Variants in HDLBP observed in about 807,000 individuals in gnomAD.
HDLBP encodes the protein vigilin.
In HDLBP, 30 loss-of-function variants were observed where a neutral mutation model predicts 137.3. That is an observed-to-expected ratio of 0.22 (90% CI 0.16 to 0.30). The LOEUF is 0.30. Among genes scored for constraint, HDLBP ranks in the 10% least tolerant of loss-of-function variants. HDLBP has a pLI of 1.00. For synonymous variants in HDLBP, 606 were observed against 596.0 expected, an observed-to-expected ratio of 1.02 and a Z score of -0.24; for missense variants, 1,119 against 1,667.3, an observed-to-expected ratio of 0.67 and a Z score of 5.73.
chr2:241,258,736 G>T (rs1194426270), intron 5 of HDLBP, among the ~76,000 whole-genome samples: 1 of 152,160 alleles, frequency 6.6e-6, no homozygotes, highest in Non-Finnish European at 1.5e-5. Flanking sequence ...AATAAAAAAT[G>T]CAAGTGGCCC....
rs1553655981 is a variant in HDLBP at position 241,288,396 on chromosome 2, C to CACGACCAAGA, written c.-102-19856_-102-19855insTCTTGGTCGT. Among the ~76,000 whole-genome samples the CACGACCAAGA allele has an allele frequency of 5.3e-5, 8 of 151,650 alleles. No homozygotes were observed. The South Asian group carries it at 6.2e-4, about 12-fold the overall frequency. On this transcript the variant is annotated intron_variant, in intron 1 of 27. Transcript: ENST00000310931. ...GGACTGAGTTCTGTCCAGTTGCCTG[C>CACGACCAAGA]ACAACTAAGAACAATTCTGAAGACA...
chr2:241,297,266 C>T (rs1336928724), intron 1 of HDLBP, among the ~76,000 whole-genome samples: 1 of 152,024 alleles, frequency 6.6e-6, no homozygotes, highest in Non-Finnish European at 1.5e-5. Flanking sequence ...AGCGGGCATC[C>T]AAGCAGGAAG....
At position 241,231,671 on chromosome 2, in the gene HDLBP, C is replaced by G. The variant is rs140330977; in HGVS notation, c.3289-727G>C. ...AGGCTGGCTGGCATTCCTCAGCGAG[C>G]CCCTCCCTCACTCAGAGATCCCACC... On this transcript the variant is annotated intron_variant, in intron 24 of 27. Transcript: ENST00000310931. Among the ~76,000 whole-genome samples, 38 of 152,216 alleles carry G rather than the reference C, an allele frequency of 2.5e-4. No individual in the cohort carries two copies. The East Asian group carries it at 6.6e-3, about 26-fold the overall frequency.
chr2:241,255,643 T>G, intron 7 of HDLBP, 63 bp from the exon 8 acceptor site: 1 of 1,297,796 alleles, frequency 7.7e-7, no homozygotes, highest in Non-Finnish European at 1.1e-6. Context: ...CAGGTGGGCA[T>G]GGCCACTGCT....
At chr2:241,315,423 T>A (rs1294199886) in intron 1 of HDLBP, 147 bp downstream of exon 1, 1 of 150,780 alleles carries the variant, frequency 6.6e-6, no homozygotes, top group Non-Finnish European at 1.5e-5. Flanking sequence ...AGGCGAAGGC[T>A]CCCCCTCCCC....
intron 5 of HDLBP, among the ~76,000 whole-genome samples, chr2:241,257,318 T>C (rs2072718337): frequency 1.3e-5 from 2 of 152,198 alleles, no homozygotes; most frequent in African/African-American, 4.8e-5. Flanking sequence ...CTGTAACCTC[T>C]GCCTCCTGGG....
chr2:241,235,062 C>G, intron 23 of HDLBP, 59 bp downstream of exon 23: 2 of 1,584,616 alleles, frequency 1.3e-6, no homozygotes, highest in Non-Finnish European at 1.7e-6. Flanking sequence ...TAGATTCTGA[C>G]ATGTGCCCAA....
chr2:241,275,582 A>G (rs2074360375), intron 1 of HDLBP, among the ~76,000 whole-genome samples: 1 of 152,176 alleles, frequency 6.6e-6, no homozygotes, highest in Non-Finnish European at 1.5e-5. Flanking sequence ...CATCCCAAAA[A>G]AGACAGAGAA....
Position 241,248,114 on chromosome 2 carries a change from G to T in HDLBP, c.1620C>A (p.Val540=). The T allele has an allele frequency of 6.2e-7, 1 of 1,611,410 alleles. No individual in the cohort carries two copies. The highest frequency in any genetic ancestry group is 8.5e-7 in the Non-Finnish European group (1 of 1,177,526). The part of the protein sequence containing the change: ...IREIRDKFPE[V]IINFPDPAQK... ...GTGCTGGGTCTGGAAAGTTAATGAT[G>T]ACCTAGAACAAATCATGGGGAGACT... The change falls in exon 14 of 28, where the codon GTC becomes GTA. Residue 540 remains valine (V), a splice_region_variant and synonymous_variant. Transcript: ENST00000310931.
intron 7 of HDLBP, among the ~76,000 whole-genome samples, 163 bp downstream of exon 7, chr2:241,256,021 G>A (rs545091863): frequency 1.1e-4 from 16 of 152,286 alleles, no homozygotes; most frequent in African/African-American, 3.6e-4. Flanking sequence ...AGCAAGGGGG[G>A]GCGGGCACCG....
In HDLBP at chr2:241,277,849, T is replaced by C. The variant is rs556270729; in HGVS notation, c.-102-9308A>G. On this transcript the variant is annotated intron_variant, in intron 1 of 27. Coordinates refer to ENST00000310931, the MANE Select transcript of HDLBP (RefSeq NM_005336.6). Reference sequence around the variant, plus strand: ...GGTGGTGCATGCCTGTAATCCCAGCTACTCAGGAGGCCGAGGCAGGAGAAT... The same window carrying C: ...GGTGGTGCATGCCTGTAATCCCAGCCACTCAGGAGGCCGAGGCAGGAGAAT... Among the ~76,000 whole-genome samples the C allele has an allele frequency of 3.3e-5, 5 of 151,890 alleles. No homozygotes were observed. The East Asian group carries it at 9.7e-4, about 30-fold the overall frequency.
At position 241,238,712 on chromosome 2, in the gene HDLBP, T is replaced by C; in HGVS notation, c.2686A>G (p.Ile896Val). The C allele has an allele frequency of 6.3e-7, 1 of 1,592,338 alleles. No individual in the cohort carries two copies. Among genetic ancestry groups the C allele is most frequent in the Non-Finnish European group, 8.6e-7 (1 of 1,164,422 alleles). ...CTGAAATCCCGAGTAATCTGCTGGA[T>C]TCTGGAACCTTTGGGGCCCATGACA... ...RSVMGPKGSR[I>V]QQITRDFSVQ... Residue 896 changes from isoleucine to valine, a missense_variant, in exon 20 of 28, where the codon ATC becomes GTC. Physicochemically the swap from Ile to Val is conservative, Grantham distance 29. Coordinates refer to ENST00000310931, the MANE Select transcript of HDLBP (RefSeq NM_005336.6). The surrounding 1 kb of genome is among the most constrained non-coding windows in gnomAD (Gnocchi z 4.9).
chr2:241,309,013 C>T (rs1463908718), intron 1 of HDLBP, among the ~76,000 whole-genome samples: 4 of 152,188 alleles, frequency 2.6e-5, no homozygotes, highest in East Asian at 1.9e-4. Flanking sequence ...ACAACACAGT[C>T]CTGCCCCCGT....
intron 1 of HDLBP, chr2:241,273,744 CCAGGGAA>C (rs1380717249): frequency 6.3e-5 from 55 of 867,104 alleles, no homozygotes; most frequent in Non-Finnish European, 1.2e-5. Flanking sequence ...CCAGCCTTAC[CCAGGGAA>C]TGGGGTCAGG....
chr2:241,298,347 CAG>C (rs1224728464), intron 1 of HDLBP, among the ~76,000 whole-genome samples: 21 of 151,760 alleles, frequency 1.4e-4, no homozygotes, highest in Non-Finnish European at 2.8e-4. Context: ...GCCTGGGCGA[CAG>C]AGTGAGACTC....
At chr2:241,312,182 G>T (rs964455957) in intron 1 of HDLBP, among the ~76,000 whole-genome samples, 1 of 152,230 alleles carries the variant, frequency 6.6e-6, no homozygotes, top group African/African-American at 2.4e-5. Flanking sequence ...ATAAAAAGTA[G>T]TAAGGGAGAG....
chr2:241,235,725 T>C (rs753383758), intron 21 of HDLBP, 131 bp from the exon 22 acceptor site: 2 of 634,544 alleles, frequency 3.2e-6, no homozygotes, highest in Non-Finnish European at 5.7e-6. Context: ...CACCCGACAA[T>C]GCCACCAGGA....
intron 1 of HDLBP, among the ~76,000 whole-genome samples, chr2:241,291,944 T>C (rs926355189): frequency 2.0e-5 from 3 of 152,214 alleles, no homozygotes; most frequent in African/African-American, 7.2e-5. Flanking sequence ...ACCCAGACTC[T>C]AGACCAGTGA....
intron 1 of HDLBP, among the ~76,000 whole-genome samples, chr2:241,296,295 C>A (rs62186409): frequency 0.15 from 22,375 of 152,074 alleles, 2,294 homozygotes; most frequent in East Asian, 0.39. Context: ...AATTTGTTAT[C>A]CATTTTGAAA....
Sources: allele counts gnomAD v4.1 joint callset (sites outside exome capture counted in the v4.1 genomes callset), GRCh38; gene constraint gnomAD v4.1.1; non-coding constraint Gnocchi (gnomAD v3.1); transcripts MANE v1.5; gene names NCBI Gene and HGNC (gene_info 2026-07-23, HGNC 2026-07-21).